The following DPP10 variants were observed in gnomAD, a reference collection of about 807,000 sequenced individuals.
The protein encoded by DPP10 is dipeptidyl peptidase like 10, also known as inactive dipeptidyl peptidase 10.
In DPP10, 33 loss-of-function variants were observed where a neutral mutation model predicts 120.9. The ratio of observed to expected loss-of-function variants is 0.27; its 90% CI spans 0.21 to 0.37. The LOEUF is 0.37. Among genes scored for constraint, DPP10 ranks in the 10% least tolerant of loss-of-function variants. The pLI, the probability that DPP10 is intolerant of heterozygous loss-of-function variation, is 1.00. For synonymous variants in DPP10, 337 were observed against 326.1 expected, an observed-to-expected ratio of 1.03 and a Z score of -0.36; for missense variants, 816 against 942.8, an observed-to-expected ratio of 0.87 and a Z score of 1.76.
Position 114,564,744 on chromosome 2 carries a change from A to G in DPP10, c.60+121906A>G, listed in dbSNP as rs1689069463. Among the ~76,000 whole-genome samples, 3 of 152,170 alleles carry G rather than the reference A, an allele frequency of 2.0e-5. 1 individual carries two copies. The highest frequency in any genetic ancestry group is 2.0e-4 in the Admixed American group (3 of 15,272). On this transcript the variant is annotated intron_variant, in intron 1 of 25. Coordinates refer to ENST00000410059, the MANE Select transcript of DPP10 (RefSeq NM_020868.6). ...TGAAGGAAGATGAATGAAAAGAAAG[A>G]CAAAAGGCAAAGCAGGGAAGGAGAA...
At chr2:115,298,726 C>G (rs2060996328) in intron 1 of DPP10, among the ~76,000 whole-genome samples, 2 of 152,002 alleles carry the variant, frequency 1.3e-5, no homozygotes, top group South Asian at 4.1e-4. Flanking sequence ...TAGGACTTCC[C>G]TGGCCCTGGA....
intron 1 of DPP10, among the ~76,000 whole-genome samples, chr2:114,498,955 A>G (rs1682915535): frequency 6.6e-6 from 1 of 152,252 alleles, no homozygotes; most frequent in Non-Finnish European, 1.5e-5. Flanking sequence ...ATGCAATGGA[A>G]TACTATTCCG....
intron 7 of DPP10, among the ~76,000 whole-genome samples, chr2:115,694,861 G>A (rs560615287): frequency 6.6e-6 from 1 of 152,286 alleles, no homozygotes; most frequent in Non-Finnish European, 1.5e-5. Flanking sequence ...TGTTCCTGGA[G>A]CATGCATTCA....
At chr2:115,353,635 A>G (rs1287424413) in intron 3 of DPP10, among the ~76,000 whole-genome samples, 1 of 152,090 alleles carries the variant, frequency 6.6e-6, no homozygotes, top group Non-Finnish European at 1.5e-5. Context: ...ATTTGCATGT[A>G]TGTTTCTACT....
intron 7 of DPP10, among the ~76,000 whole-genome samples, chr2:115,695,829 C>G (rs2091554462): frequency 6.6e-6 from 1 of 151,926 alleles, no homozygotes; most frequent in South Asian, 2.1e-4. Flanking sequence ...GACCCAACAT[C>G]AAGAAATAAT....
intron 1 of DPP10, among the ~76,000 whole-genome samples, chr2:115,232,402 T>G (rs2057778553): frequency 6.6e-6 from 1 of 152,112 alleles, no homozygotes; most frequent in Admixed American, 6.6e-5. Flanking sequence ...TTAGCAAACT[T>G]GGGGATGATA....
chr2:114,508,973 A>C (rs941948324), intron 1 of DPP10, among the ~76,000 whole-genome samples: 12 of 152,180 alleles, frequency 7.9e-5, no homozygotes, highest in Non-Finnish European at 1.6e-4. Context: ...ATACCAAGAC[A>C]ACCGACATCT....
intron 1 of DPP10, among the ~76,000 whole-genome samples, chr2:114,788,836 C>G (rs1187310378): frequency 6.6e-6 from 1 of 152,070 alleles, no homozygotes; most frequent in African/African-American, 2.4e-5. Flanking sequence ...TCCACCACAC[C>G]TGTCCCTTCA....
chr2:115,669,558 T>C (rs570409200), intron 5 of DPP10, among the ~76,000 whole-genome samples: 3 of 152,250 alleles, frequency 2.0e-5, no homozygotes, highest in East Asian at 1.9e-4. Context: ...ATAATACATA[T>C]CTTTATTTAT....
chr2:115,103,256 C>T (rs1419774376), intron 1 of DPP10, among the ~76,000 whole-genome samples: 2 of 145,266 alleles, frequency 1.4e-5, no homozygotes, highest in Admixed American at 7.1e-5. Flanking sequence ...GGCGCAATCT[C>T]GGCTCACTGC....
intron 1 of DPP10, among the ~76,000 whole-genome samples, chr2:114,628,475 T>G (rs1001608196): frequency 2.0e-5 from 3 of 152,134 alleles, no homozygotes; most frequent in African/African-American, 7.2e-5. Context: ...TATTTAAAAT[T>G]TTGCCAACTT....
intron 3 of DPP10, among the ~76,000 whole-genome samples, chr2:115,381,867 G>T (rs1307010598): frequency 4.0e-5 from 6 of 151,462 alleles, no homozygotes; most frequent in Admixed American, 3.3e-4. Context: ...GGCTTCTCGG[G>T]GGTCAGGGGT....
At chr2:115,355,525 T>G (rs917324752) in intron 3 of DPP10, among the ~76,000 whole-genome samples, 1 of 152,214 alleles carries the variant, frequency 6.6e-6, no homozygotes, top group Non-Finnish European at 1.5e-5. Flanking sequence ...ACTCTGATGA[T>G]GGTTTCTTTT....
chr2:115,495,131 A>T (rs989335790), intron 3 of DPP10, among the ~76,000 whole-genome samples: 4 of 152,122 alleles, frequency 2.6e-5, no homozygotes, highest in Non-Finnish European at 5.9e-5. Flanking sequence ...CGGAGTGTCC[A>T]GAAGGAGAGG....
rs769923514 is a variant in DPP10, at chr2:115,768,352, T to C, written c.1169T>C (p.Val390Ala). ...AGCAAATTCTTTATGACAGTGCCTG[T>C]TAAGCAAGGGGGACGTGGAGAATTT... Reference protein sequence around the residue: ...DGSKFFMTVPVKQGGRGEFHH... With the variant: ...DGSKFFMTVPAKQGGRGEFHH... The change falls in exon 13 of 26, where the codon GTT becomes GCT. Residue 390 changes from valine (V) to alanine (A), a missense_variant. By Grantham distance (64) the Val-to-Ala change is moderately conservative. Around this residue, in one of 3 missense-constraint regions of DPP10, gnomAD observed 592 missense variants for 649.0 expected, o/e 0.91. Transcript: ENST00000410059. 3 of 1,613,698 alleles carry C rather than the reference T, an allele frequency of 1.9e-6. No homozygotes were observed. The South Asian group carries it at 3.3e-5, about 18-fold the overall frequency.
chr2:115,362,449 CT>C (rs1188591464), intron 3 of DPP10, among the ~76,000 whole-genome samples: 3 of 151,864 alleles, frequency 2.0e-5, no homozygotes, highest in Admixed American at 6.6e-5. Flanking sequence ...TGAATCTATA[CT>C]TTTTTTTAAC....
intron 5 of DPP10, among the ~76,000 whole-genome samples, chr2:115,665,852 T>C (rs1329334850): frequency 1.3e-5 from 2 of 152,212 alleles, no homozygotes; most frequent in Non-Finnish European, 2.9e-5. Context: ...TTCTGTTTTT[T>C]ATTTTTTCCA....
At chr2:115,514,508 T>C (rs990101308) in intron 4 of DPP10, among the ~76,000 whole-genome samples, 1 of 151,742 alleles carries the variant, frequency 6.6e-6, no homozygotes, top group Non-Finnish European at 1.5e-5. Flanking sequence ...ATAATCTAAA[T>C]ATTACTCTCA....
At chr2:115,693,127 C>T (rs2149507932) in intron 7 of DPP10, among the ~76,000 whole-genome samples, 2 of 152,256 alleles carry the variant, frequency 1.3e-5, no homozygotes, top group East Asian at 3.9e-4. Flanking sequence ...ATTATATTTG[C>T]TTTTATCTTG....
Sources: gnomAD v4.1 joint callset for allele counts (sites outside exome capture counted in the v4.1 genomes callset) on GRCh38, gnomAD v4.1.1 for gene constraint, gnomAD v4.1.1 regional missense constraint, MANE v1.5 for transcripts, NCBI Gene and HGNC (gene_info 2026-07-23, HGNC 2026-07-21) for gene names.